C14orf39: variants seen among roughly 807,000 people sequenced by gnomAD.
The protein encoded by C14orf39 is protein SIX6OS1.
A neutral mutation model predicts 85.6 loss-of-function variants in C14orf39; 66 were observed. The ratio of observed to expected loss-of-function variants is 0.77; its 90% CI spans 0.63 to 0.95. The LOEUF is 0.95. Among genes scored for constraint, C14orf39 ranks in the 40% least tolerant of loss-of-function variants. The pLI, the probability that C14orf39 is intolerant of heterozygous loss-of-function variation, is 0.00. For synonymous variants in C14orf39, 242 were observed against 214.0 expected (o/e 1.13, Z -1.14); for missense variants, 735 against 663.9 (o/e 1.11, Z -1.18).
At chr14:60,498,411 G>A (rs546091034) in intron 2 of C14orf39, among the ~76,000 whole-genome samples, 1 of 152,302 alleles carries the variant, frequency 6.6e-6, no homozygotes, top group East Asian at 1.9e-4. Context: ...CAGCCTGGGT[G>A]CACTCATAGG....
At chr14:60,479,920 A>G (rs1892561261) in intron 4 of C14orf39, among the ~76,000 whole-genome samples, 1 of 152,214 alleles carries the variant, frequency 6.6e-6, no homozygotes, top group African/African-American at 2.4e-5. Context: ...CATTATAAAA[A>G]GGCTGAAATG....
chr14:60,509,506 G>A, intron 1 of C14orf39: 1 of 1,604,528 alleles, frequency 6.2e-7, no homozygotes, highest in Non-Finnish European at 8.5e-7. Flanking sequence ...TCCTCTGGTC[G>A]CTGCCCGTGG....
At chr14:60,461,970 A>T (rs557963791) in intron 11 of C14orf39, among the ~76,000 whole-genome samples, 1 of 152,092 alleles carries the variant, frequency 6.6e-6, no homozygotes, top group African/African-American at 2.4e-5. Context: ...TAACCTCTCA[A>T]ATTTAACACA....
intron 2 of C14orf39, chr14:60,494,103 TG>T: frequency 3.2e-6 from 1 of 317,274 alleles, no homozygotes. Context: ...GCTGATGTAC[TG>T]GTTCCACACG....
In C14orf39 at chr14:60,439,273, G is replaced by A. The variant is rs180975570; in HGVS notation, c.1562-2226C>T. Among the ~76,000 whole-genome samples, 5 of 152,254 alleles carry A rather than the reference G, an allele frequency of 3.3e-5. No individual in the cohort carries two copies. In the East Asian group the frequency reaches 9.6e-4, roughly 29 times the overall value. On this transcript the variant is annotated intron_variant, in intron 17 of 17. Transcript: ENST00000321731. Reference sequence around the variant, plus strand: ...GATAGTCAGTGGGGGAGTCACTGAAGGTAACTGATTAGGGCAGTGACATGG... The same window carrying A: ...GATAGTCAGTGGGGGAGTCACTGAAAGTAACTGATTAGGGCAGTGACATGG...
chr14:60,511,116 G>C (rs1444831808), intron 1 of C14orf39: 12 of 1,612,782 alleles, frequency 7.4e-6, no homozygotes, highest in African/African-American at 1.3e-5. Flanking sequence ...CAGGGTTCCG[G>C]GCGGGCACTA....
chr14:60,497,499 G>T (rs1171405563), intron 2 of C14orf39, among the ~76,000 whole-genome samples: 2 of 152,144 alleles, frequency 1.3e-5, no homozygotes, highest in East Asian at 3.9e-4. Context: ...ACAGAATAAA[G>T]TCTAAGAAGT....
At chr14:60,446,245 A>T (rs368270168) in intron 16 of C14orf39, among the ~76,000 whole-genome samples, 2 of 152,128 alleles carry the variant, frequency 1.3e-5, no homozygotes, top group African/African-American at 4.8e-5. Context: ...GACACAAAAA[A>T]CCCTTCAACA....
At chr14:60,490,529 CG>C (rs1892973028), upstream of C14orf39, among the ~76,000 whole-genome samples, 1 of 151,804 alleles carries the variant, frequency 6.6e-6, no homozygotes, top group South Asian at 2.1e-4. Flanking sequence ...GAGGCTGGGG[CG>C]GGAAGATCAC....
intron 8 of C14orf39, among the ~76,000 whole-genome samples, chr14:60,469,250 C>T (rs1891949263): frequency 6.7e-6 from 1 of 149,480 alleles, no homozygotes; most frequent in African/African-American, 2.4e-5. Flanking sequence ...CTCCTCAGAC[C>T]TCAAAGAAAG....
In C14orf39 at chr14:60,456,932, G is replaced by A. The variant is rs138071695; in HGVS notation, c.1343C>T (p.Thr448Ile). The A allele has an allele frequency of 2.4e-5, 37 of 1,572,096 alleles. 1 individual carries two copies. In the African/African-American group the frequency reaches 5.1e-4, roughly 22 times the overall value. ...AAAATCCTACATTTCGAACGGGGGGGTTTTAGGGAATTTTATTTTCTCCAA... is the reference window on the plus strand; with the variant it reads ...AAAATCCTACATTTCGAACGGGGGGATTTTAGGGAATTTTATTTTCTCCAA... ...ESLEKIKFPK[T>I]PPFEINRNRN... The change falls in exon 15 of 18, where the codon ACC becomes ATC. Residue 448 changes from threonine to isoleucine, a missense_variant. Thr to Ile is a moderately conservative substitution (Grantham distance 89). Transcript: ENST00000321731.
intron 16 of C14orf39, among the ~76,000 whole-genome samples, chr14:60,449,567 C>T (rs970724367): frequency 6.6e-5 from 10 of 152,134 alleles, no homozygotes; most frequent in African/African-American, 2.4e-4. Context: ...CCTCACCAAT[C>T]TGTTTCATAA....
chr14:60,457,086 T>C lies in C14orf39; in HGVS notation c.1189A>G (p.Thr397Ala), dbSNP rs1891313990. Residue 397 changes from threonine (T) to alanine (A), a missense_variant, in exon 15 of 18, where the codon ACT becomes GCT. By Grantham distance (58) the Thr-to-Ala change is moderately conservative (BLOSUM62 0). Coordinates refer to ENST00000321731, the MANE Select transcript of C14orf39 (RefSeq NM_174978.3). ...TCTACTGACTTCCCAAAATGTTCAGTATATATAGCCTGCAAATTCAAAGTA... is the reference window on the plus strand; with the variant it reads ...TCTACTGACTTCCCAAAATGTTCAGCATATATAGCCTGCAAATTCAAAGTA... ...ESKCTSQAIY[T>A]EHFGKSVEND... The C allele has an allele frequency of 6.4e-7, 1 of 1,568,236 alleles. No homozygotes were observed. The highest frequency in any genetic ancestry group is 8.6e-7 in the Non-Finnish European group (1 of 1,160,986).
intron 16 of C14orf39, among the ~76,000 whole-genome samples, chr14:60,452,204 G>A (rs1425707834): frequency 6.7e-6 from 1 of 150,300 alleles, no homozygotes; most frequent in Non-Finnish European, 1.5e-5. Flanking sequence ...CAAGCCTCAT[G>A]GTAACCACAA....
chr14:60,470,778 CTT>C (rs1892038236), intron 7 of C14orf39, among the ~76,000 whole-genome samples: 1 of 151,806 alleles, frequency 6.6e-6, no homozygotes, highest in Admixed American at 6.6e-5. Context: ...ATAAAGAAGA[CTT>C]AGTACAAACA....
At chr14:60,506,086 G>A (rs1256179897) in intron 1 of C14orf39, among the ~76,000 whole-genome samples, 6 of 152,076 alleles carry the variant, frequency 3.9e-5, no homozygotes, top group Non-Finnish European at 1.5e-5. Flanking sequence ...CCCACAAAAT[G>A]CAACTCTAGA....
intron 3 of C14orf39, 90 bp from the exon 4 acceptor site, chr14:60,483,907 C>G: frequency 1.2e-6 from 1 of 850,244 alleles, no homozygotes; most frequent in Non-Finnish European, 1.7e-6. Context: ...GGCAGCTTAC[C>G]TAAAAGGAAG....
chr14:60,514,568 C>A (rs1020601418), intron 1 of C14orf39, among the ~76,000 whole-genome samples: 45 of 152,134 alleles, frequency 3.0e-4, no homozygotes, highest in African/African-American at 1.1e-3. Context: ...TCCACTTCCA[C>A]CCGTCACTCC....
chr14:60,452,606 G>C (rs1276048350), intron 16 of C14orf39, among the ~76,000 whole-genome samples: 1 of 152,054 alleles, frequency 6.6e-6, no homozygotes, highest in Non-Finnish European at 1.5e-5. Context: ...GGTGACTATA[G>C]TCAAAATAAT....
Sources: allele counts gnomAD v4.1 joint callset (sites outside exome capture counted in the v4.1 genomes callset), GRCh38; gene constraint gnomAD v4.1.1; transcripts MANE v1.5; gene names NCBI Gene and HGNC (gene_info 2026-07-23, HGNC 2026-07-21).